Variants in CACNG6 observed in about 807,000 individuals in gnomAD.
CACNG6 encodes the protein voltage-dependent calcium channel gamma-6 subunit.
CACNG6 carries 21 observed loss-of-function variants against 23.9 expected under a neutral mutation model. The observed-to-expected ratio is 0.88, with a 90% CI of 0.62 to 1.26. The LOEUF is 1.26. Ranked by LOEUF, CACNG6 falls within the 50% of genes most tolerant of loss-of-function variation. The pLI, the probability that CACNG6 is intolerant of heterozygous loss-of-function variation, is 0.00. For synonymous variants in CACNG6, 182 were observed against 168.9 expected (o/e 1.08, Z -0.60); for missense variants, 340 against 352.9 (o/e 0.96, Z 0.29).
rs772659738 is a variant in CACNG6, at chr19:54,011,985, G to C, written c.579G>C (p.Arg193=). Residue 193 remains arginine, a synonymous_variant, in exon 4 of 4, where the codon CGG becomes CGC. Transcript: ENST00000252729. ...TCTTGGTGAGCCTGGAGGTGTTCCG[G>C]CATTCCGTGAGGGCCCTGCTGCAGA... ...LLLLVSLEVF[R]HSVRALLQRV... is the part of the protein sequence containing the mutation. 1 of 1,586,874 alleles carries C rather than the reference G, an allele frequency of 6.3e-7. No individual in the cohort carries two copies. Among genetic ancestry groups the C allele is most frequent in the East Asian group, 2.4e-5 (1 of 42,394 alleles).
At position 54,000,102 on chromosome 19, in the gene CACNG6, A is replaced by G. The variant is rs572926450; in HGVS notation, c.544+331A>G. Among the ~76,000 whole-genome samples, 12 of 152,168 alleles carry G rather than the reference A, an allele frequency of 7.9e-5. No individual in the cohort carries two copies. In the East Asian group the frequency reaches 2.1e-3, roughly 27 times the overall value. On this transcript the variant is annotated intron_variant, in intron 3 of 3. Transcript: ENST00000252729. ...GGAGGGTGTCCAAACATTGTTTTAGATTTGGACCTGGGATTTCCAATCACT... is the reference window on the plus strand; with the variant it reads ...GGAGGGTGTCCAAACATTGTTTTAGGTTTGGACCTGGGATTTCCAATCACT...
intron 3 of CACNG6, among the ~76,000 whole-genome samples, chr19:54,010,754 T>A (rs8100049): frequency 0.046 from 7,006 of 151,840 alleles, 491 homozygotes; most frequent in African/African-American, 0.15. Context: ...TTTTAAAATT[T>A]TTTTTTTGTA....
intron 3 of CACNG6, among the ~76,000 whole-genome samples, chr19:54,002,284 G>GTTTTTTTTTTTTTTTTTTT (rs139176353): frequency 8.5e-6 from 1 of 117,428 alleles, no homozygotes; most frequent in African/African-American, 4.0e-5. Flanking sequence ...TGTTTTTTTT[G>GTTTTTTTTTTTTTTTTTTT]TTTTTTTTTT....
At chr19:54,007,920 A>AG (rs2069665428) in intron 3 of CACNG6, among the ~76,000 whole-genome samples, 1 of 151,902 alleles carries the variant, frequency 6.6e-6, no homozygotes, top group African/African-American at 2.4e-5. Context: ...GAAAAAAAAA[A>AG]AAGATTGAAT....
intron 3 of CACNG6, among the ~76,000 whole-genome samples, chr19:54,008,671 G>T (rs1255825013): frequency 1.3e-5 from 2 of 152,134 alleles, no homozygotes; most frequent in African/African-American, 4.8e-5. Context: ...ACCTCCTTCT[G>T]CTCGGAACAG....
At chr19:53,994,011 G>T (rs73937642) in intron 1 of CACNG6, among the ~76,000 whole-genome samples, 1 of 152,006 alleles carries the variant, frequency 6.6e-6, no homozygotes, top group South Asian at 2.1e-4. Context: ...CAGACAGCCT[G>T]CACCCTCTGG....
At chr19:53,997,166 G>A (rs1321861617) in intron 1 of CACNG6, among the ~76,000 whole-genome samples, 1 of 151,790 alleles carries the variant, frequency 6.6e-6, no homozygotes, top group African/African-American at 2.4e-5. Context: ...CACCTTTCCT[G>A]GCCTCAATTT....
intron 3 of CACNG6, among the ~76,000 whole-genome samples, chr19:54,007,027 T>C (rs1174435492): frequency 6.6e-6 from 1 of 151,606 alleles, no homozygotes; most frequent in Non-Finnish European, 1.5e-5. Context: ...AACTTAATTA[T>C]CTGTTTGTGT....
chr19:54,011,048 C>T (rs1216321045), intron 3 of CACNG6, among the ~76,000 whole-genome samples: 1 of 151,338 alleles, frequency 6.6e-6, no homozygotes. Flanking sequence ...AAAATCCTCT[C>T]CTCTAGCTCT....
chr19:53,995,161 T>G (rs996915628), intron 1 of CACNG6, among the ~76,000 whole-genome samples: 9 of 151,992 alleles, frequency 5.9e-5, no homozygotes, highest in African/African-American at 2.2e-4. Flanking sequence ...ATATCACATC[T>G]CACTGGTCCA....
At chr19:54,011,447 A>C (rs56740712) in intron 3 of CACNG6, among the ~76,000 whole-genome samples, 31,146 of 114,974 alleles carry the variant, frequency 0.27, 3,670 homozygotes, top group East Asian at 0.38. Context: ...AAAAAAAAAA[A>C]AAAAAACAAA....
chr19:54,006,522 CTTTTTT>C (rs766609552), intron 3 of CACNG6, among the ~76,000 whole-genome samples: 34 of 34,190 alleles, frequency 9.9e-4, no homozygotes, highest in Admixed American at 4.3e-3. Context: ...TCTTTCTTTT[CTTTTTT>C]TTTTTTTTTT....
chr19:54,005,751 T>TTAAAATAAAATAAAA (rs79507810), intron 3 of CACNG6, among the ~76,000 whole-genome samples: 20 of 141,126 alleles, frequency 1.4e-4, no homozygotes, highest in Admixed American at 5.0e-4. Flanking sequence ...AGACTCCCTC[T>TTAAAATAAAATAAAA]TAAAATAAAA....
chr19:54,000,601 CAG>C (rs895177264), intron 3 of CACNG6, among the ~76,000 whole-genome samples: 6 of 152,126 alleles, frequency 3.9e-5, no homozygotes, highest in Non-Finnish European at 8.8e-5. Context: ...ATTTTTGAGA[CAG>C]AGTCTCCCTT....
Position 53,992,976 on chromosome 19 carries a change from C to T in CACNG6, c.99C>T (p.Pro33=). The change falls in exon 1 of 4, where the codon CCC becomes CCT. Residue 33 remains proline, a synonymous_variant. Coordinates refer to ENST00000252729, the MANE Select transcript of CACNG6 (RefSeq NM_145814.2). This position sits in a 1 kb window ranked among gnomAD's most constrained non-coding sequence, Gnocchi z 4.1. ...GGCAGGGCAGGTCGGGGCTGACGCC[C>T]GAGCGCGAGGGGAAGGTGAAGCTGG... The part of the protein sequence containing the change: ...AHGQGRSGLT[P]EREGKVKLAL... 4 of 1,433,668 alleles carry T rather than the reference C, an allele frequency of 2.8e-6. No homozygotes were observed. Among genetic ancestry groups the T allele is most frequent in the Non-Finnish European group, 2.7e-6 (3 of 1,096,956 alleles). The allele number at this position is 1,433,668 out of a possible 1,614,324, so 88.8% of individuals were successfully genotyped here.
intron 3 of CACNG6, among the ~76,000 whole-genome samples, chr19:54,010,935 AAG>A (rs2069699570): frequency 1.6e-5 from 2 of 121,214 alleles, no homozygotes; most frequent in African/African-American, 6.8e-5. Context: ...TGGGAAACAG[AAG>A]GATGGTTTGA....
chr19:54,005,286 C>T (rs1193412342), intron 3 of CACNG6, among the ~76,000 whole-genome samples: 3 of 149,970 alleles, frequency 2.0e-5, no homozygotes, highest in Non-Finnish European at 1.5e-5. Flanking sequence ...AGAAACTGGG[C>T]GCGGTGGCTC....
chr19:53,992,942 G>T lies in CACNG6; in HGVS notation c.65G>T (p.Arg22Leu), dbSNP rs534917640. 172 of 1,374,976 alleles carry T rather than the reference G, an allele frequency of 1.3e-4. No individual in the cohort carries two copies. The highest frequency in any genetic ancestry group is 1.4e-4 in the Non-Finnish European group (147 of 1,066,434). 85.2% of individuals were successfully genotyped at this position (1,374,976 alleles called of 1,614,324 possible). Residue 22 changes from arginine to leucine, a missense_variant, in exon 1 of 4, where the codon CGG (arginine) becomes CTG (leucine). Coordinates refer to ENST00000252729, the MANE Select transcript of CACNG6 (RefSeq NM_145814.2). The surrounding 1 kb of genome is among the most constrained non-coding windows in gnomAD (Gnocchi z 4.1). ...NRRRGAAGRR[R>L]AHGQGRSGLT... ...CGGCGGGGGGCCGCGGGCCGGCGGCGGGCGCACGGGCAGGGCAGGTCGGGG... is the reference window on the plus strand; with the variant it reads ...CGGCGGGGGGCCGCGGGCCGGCGGCTGGCGCACGGGCAGGGCAGGTCGGGG...
intron 2 of CACNG6, among the ~76,000 whole-genome samples, 154 bp downstream of exon 2, chr19:53,998,467 G>A (rs556696028): frequency 2.6e-4 from 40 of 151,012 alleles, no homozygotes; most frequent in African/African-American, 9.5e-4. Context: ...GCTGGCGGGA[G>A]AGTTAATGAT....
Sources: gnomAD v4.1 joint callset for allele counts (sites outside exome capture counted in the v4.1 genomes callset) on GRCh38, gnomAD v4.1.1 for gene constraint, Gnocchi (gnomAD v3.1) non-coding constraint, MANE v1.5 for transcripts, NCBI Gene and HGNC (gene_info 2026-07-23, HGNC 2026-07-21) for gene names.